The following PHYHIPL variants were observed in gnomAD, a reference collection of about 807,000 sequenced individuals.
The protein encoded by PHYHIPL is phytanoyl-CoA hydroxylase-interacting protein-like.
A neutral mutation model predicts 33.4 loss-of-function variants in PHYHIPL; 9 were observed. The ratio of observed to expected loss-of-function variants is 0.27; its 90% CI spans 0.16 to 0.47. The LOEUF (loss-of-function observed/expected upper bound fraction) is 0.47. Ranked by LOEUF, PHYHIPL falls within the 20% of genes least tolerant of loss-of-function variation. The pLI is 0.99. For synonymous variants in PHYHIPL, 153 were observed against 154.1 expected (o/e 0.99, Z 0.05); for missense variants, 365 against 460.7 (o/e 0.79, Z 1.90).
chr10:59,234,247 A>G lies in PHYHIPL; in HGVS notation c.107-57A>G. On this transcript the variant is annotated intron_variant, in intron 1 of 4. Transcript: ENST00000373880. Reference sequence around the variant, plus strand: ...TTGGTAATAAATCCATTAATTGGAAATAAATTGGAAAATCCATTAATTGGA... The same window carrying G: ...TTGGTAATAAATCCATTAATTGGAAGTAAATTGGAAAATCCATTAATTGGA... The G allele has an allele frequency of 4.4e-6, 6 of 1,361,740 alleles. No individual in the cohort carries two copies. In the South Asian group the frequency reaches 8.4e-5, roughly 19 times the overall value. The allele number at this position is 1,361,740 out of a possible 1,614,324, so 84.4% of individuals were successfully genotyped here.
intron 1 of PHYHIPL, among the ~76,000 whole-genome samples, chr10:59,191,277 C>T (rs2452518): frequency 0.25 from 38,516 of 151,666 alleles, 7,130 homozygotes; most frequent in African/African-American, 0.52. Flanking sequence ...TAGGTATATG[C>T]GATGAATATT....
chr10:59,179,970 C>G (rs895815413), intron 1 of PHYHIPL, among the ~76,000 whole-genome samples: 14 of 151,132 alleles, frequency 9.3e-5, no homozygotes, highest in East Asian at 2.0e-4. Flanking sequence ...TGAAAATATA[C>G]TGTAAATCCA....
intron 1 of PHYHIPL, among the ~76,000 whole-genome samples, chr10:59,212,027 A>C (rs1349913912): frequency 1.3e-5 from 2 of 152,114 alleles, no homozygotes; most frequent in African/African-American, 4.8e-5. Flanking sequence ...GGATTAATCC[A>C]TTTATGGATT....
intron 4 of PHYHIPL, 76 bp from the exon 5 acceptor site, chr10:59,244,981 T>C (rs892809643): frequency 1.7e-5 from 25 of 1,470,488 alleles, no homozygotes; most frequent in Non-Finnish European, 1.7e-5. Flanking sequence ...TGTTTGACTT[T>C]TAGGCCATTC....
At chr10:59,224,502 CAAAACAA>C (rs1839870774) in intron 1 of PHYHIPL, among the ~76,000 whole-genome samples, 8 of 138,292 alleles carry the variant, frequency 5.8e-5, no homozygotes, top group African/African-American at 2.1e-4. Flanking sequence ...AAACAAAAAA[CAAAACAA>C]AAAACAAAAC....
rs11006395 is a variant in PHYHIPL at position 59,180,768 on chromosome 10, A to G, written c.106+3809A>G. Among the ~76,000 whole-genome samples the G allele has an allele frequency of 3.5e-4, 54 of 152,306 alleles. 1 individual carries two copies. In the East Asian group the frequency reaches 5.8e-3, roughly 16 times the overall value. ...TCAAATTTATTTAAATTATAAGTCA[A>G]TTAAGACCTCACTTATGTTATTGGC... On this transcript the variant is annotated intron_variant, in intron 1 of 4. Coordinates refer to ENST00000373880, the MANE Select transcript of PHYHIPL (RefSeq NM_032439.4).
chr10:59,231,153 A>G (rs1340810723), intron 1 of PHYHIPL, among the ~76,000 whole-genome samples: 1 of 152,154 alleles, frequency 6.6e-6, no homozygotes, highest in Admixed American at 6.5e-5. Flanking sequence ...AAGTAAACCA[A>G]AGAAAACCCA....
intron 1 of PHYHIPL, among the ~76,000 whole-genome samples, chr10:59,199,610 G>C (rs1428706297): frequency 6.6e-6 from 1 of 152,186 alleles, no homozygotes; most frequent in African/African-American, 2.4e-5. Flanking sequence ...TTGGTAGCTT[G>C]ATGGAAATGG....
chr10:59,228,213 TAATAG>T (rs879286855), intron 1 of PHYHIPL, among the ~76,000 whole-genome samples: 2 of 152,066 alleles, frequency 1.3e-5, no homozygotes, highest in African/African-American at 2.4e-5. Flanking sequence ...GATGACTGAT[TAATAG>T]AATAGAATAC....
Position 59,177,543 on chromosome 10 carries a change from A to T in PHYHIPL, c.106+584A>T, listed in dbSNP as rs957095537. 6.4e-6 allele frequency: 10 copies of T among 1,551,600 alleles called. No homozygotes were observed. In the African/African-American group the frequency reaches 1.4e-4, roughly 21 times the overall value. ...AGCACCAAGGACAGACACAATCTTC[A>T]TGGTTCCTGGGCTCTGAGTCAGACT... On this transcript the variant is annotated intron_variant, in intron 1 of 4. Transcript: ENST00000373880.
chr10:59,247,432 C>T lies in PHYHIPL; in HGVS notation c.*1841C>T. 2 of 664,112 alleles carry T rather than the reference C, an allele frequency of 3.0e-6. No individual in the cohort carries two copies. The highest frequency in any genetic ancestry group is 3.2e-5 in the Admixed American group (1 of 31,698). The allele number at this position is 664,112 out of a possible 1,614,324, so 41.1% of individuals were successfully genotyped here. ...TATATGGCTACCTGTTGTATTCTTC[C>T]CCCCGTTTAAATCCCTTCTCCTTGT... On this transcript the variant is annotated 3_prime_UTR_variant, in exon 5 of 5. Transcript: ENST00000373880.
chr10:59,233,972 T>C (rs937637207), intron 1 of PHYHIPL, among the ~76,000 whole-genome samples: 1 of 151,770 alleles, frequency 6.6e-6, no homozygotes, highest in Non-Finnish European at 1.5e-5. Flanking sequence ...GGATGGGCCC[T>C]TTCATTATCA....
At chr10:59,191,965 AG>A (rs1363582239) in intron 1 of PHYHIPL, among the ~76,000 whole-genome samples, 1 of 152,104 alleles carries the variant, frequency 6.6e-6, no homozygotes, top group African/African-American at 2.4e-5. Context: ...TAAGAGAGGA[AG>A]GGCCAAACAG....
chr10:59,184,984 ATTT>A (rs34336392), intron 1 of PHYHIPL, among the ~76,000 whole-genome samples: 4 of 92,110 alleles, frequency 4.3e-5, no homozygotes, highest in African/African-American at 1.4e-4. Context: ...TGAACTCATC[ATTT>A]TTTTTTTTTT....
chr10:59,191,948 A>G (rs905297142), intron 1 of PHYHIPL, among the ~76,000 whole-genome samples: 1 of 152,090 alleles, frequency 6.6e-6, no homozygotes, highest in African/African-American at 2.4e-5. Flanking sequence ...TAAACTCTTA[A>G]TCTGTTTAAG....
chr10:59,204,554 A>G (rs1198627928), intron 1 of PHYHIPL, among the ~76,000 whole-genome samples: 1 of 152,180 alleles, frequency 6.6e-6, no homozygotes, highest in Non-Finnish European at 1.5e-5. Context: ...TTTCATTCCC[A>G]TGTCAACTAG....
intron 1 of PHYHIPL, among the ~76,000 whole-genome samples, chr10:59,208,797 C>T (rs143879324): frequency 0.022 from 3,279 of 151,512 alleles, 70 homozygotes; most frequent in African/African-American, 0.056. Context: ...TATCAATAGC[C>T]GAATTGATCA....
chr10:59,203,014 C>A (rs1436323815), intron 1 of PHYHIPL, among the ~76,000 whole-genome samples: 2 of 152,092 alleles, frequency 1.3e-5, no homozygotes, highest in Non-Finnish European at 2.9e-5. Context: ...TTGCAATCTA[C>A]CCATCTGACA....
intron 1 of PHYHIPL, among the ~76,000 whole-genome samples, chr10:59,184,027 C>G (rs1838494884): frequency 6.6e-6 from 1 of 152,146 alleles, no homozygotes. Flanking sequence ...CAGTCTTTAA[C>G]ATTTTAAAAG....
Sources: gnomAD v4.1 joint callset for allele counts (sites outside exome capture counted in the v4.1 genomes callset) on GRCh38, gnomAD v4.1.1 for gene constraint, MANE v1.5 for transcripts, NCBI Gene and HGNC (gene_info 2026-07-23, HGNC 2026-07-21) for gene names.